Variants in VPS35L observed in about 807,000 individuals in gnomAD.
VPS35L encodes VPS35 endosomal protein-sorting factor-like.
A neutral mutation model predicts 133.0 loss-of-function variants in VPS35L; 83 were observed. That is an observed-to-expected ratio of 0.62 (90% CI 0.52 to 0.75). The LOEUF (loss-of-function observed/expected upper bound fraction) is 0.75. Ranked by LOEUF, VPS35L falls within the 30% of genes least tolerant of loss-of-function variation. The probability of loss-of-function intolerance (pLI) is 0.00; values close to 1 mark genes in which losing one functional copy is unlikely to be tolerated. For synonymous variants in VPS35L, 423 were observed against 449.9 expected (o/e 0.94, Z 0.76); for missense variants, 1,083 against 1,206.8 (o/e 0.90, Z 1.52).
At chr16:19,578,305 T>C (rs1348712465) in intron 5 of VPS35L, 1 of 443,824 alleles carries the variant, frequency 2.3e-6, no homozygotes, top group East Asian at 7.1e-5. Flanking sequence ...TTTTTTGAGA[T>C]GGAGGTTACA....
intron 28 of VPS35L, among the ~76,000 whole-genome samples, chr16:19,690,016 A>G (rs529166110): frequency 6.6e-6 from 1 of 152,160 alleles, no homozygotes; most frequent in South Asian, 2.1e-4. Flanking sequence ...GGGCTCAAGC[A>G]GTCCTCCCAC....
chr16:19,610,460 G>A (rs377566512), intron 12 of VPS35L, 45 bp downstream of exon 12: 94 of 1,503,910 alleles, frequency 6.3e-5, no homozygotes, highest in Admixed American at 3.4e-4. Context: ...GCTGCCACCC[G>A]TCTCCTTGAA....
chr16:19,601,272 A>G (rs977304150), intron 8 of VPS35L, among the ~76,000 whole-genome samples: 1 of 152,120 alleles, frequency 6.6e-6, no homozygotes, highest in Non-Finnish European at 1.5e-5. Flanking sequence ...AAAAATGTTA[A>G]AACACTTTGT....
At chr16:19,595,637 C>G (rs1972190205) in intron 8 of VPS35L, among the ~76,000 whole-genome samples, 1 of 152,174 alleles carries the variant, frequency 6.6e-6, no homozygotes, top group African/African-American at 2.4e-5. Flanking sequence ...CCTGGCCAGA[C>G]CCAGACAGCT....
chr16:19,573,340 AT>A lies in VPS35L; in HGVS notation c.408+102del, dbSNP rs1338767314. ...CTCCTGGGCTCTGTAAGTTTCACTT[AT>A]TTATTTATTTTTCTACTTCTCTTAA... is the stretch of plus-strand genomic sequence containing the variant. On this transcript the variant is annotated intron_variant, in intron 4 of 30. Transcript: ENST00000417362. The A allele has an allele frequency of 2.3e-6, 3 of 1,307,528 alleles. No individual in the cohort carries two copies. The African/African-American group carries it at 4.5e-5, about 19-fold the overall frequency. 81.0% of individuals were successfully genotyped at this position (1,307,528 alleles called of 1,614,324 possible). A position where few individuals can be genotyped will look rare whatever the true frequency, so the allele number is the denominator to read the frequency against.
chr16:19,577,169 A>G (rs1000524754), intron 5 of VPS35L, among the ~76,000 whole-genome samples: 1 of 152,158 alleles, frequency 6.6e-6, no homozygotes, highest in African/African-American at 2.4e-5. Context: ...GGTTTACTTG[A>G]CTTATGGTTC....
At chr16:19,569,625 G>T (rs778422523) in intron 3 of VPS35L, 34 bp downstream of exon 3, 7 of 1,505,382 alleles carry the variant, frequency 4.6e-6, no homozygotes, top group Admixed American at 4.8e-5. Context: ...TCCAGTGGGG[G>T]TTGGTTTTGT....
intron 19 of VPS35L, among the ~76,000 whole-genome samples, chr16:19,635,285 C>A (rs1973589466): frequency 6.6e-6 from 1 of 152,076 alleles, no homozygotes; most frequent in South Asian, 2.1e-4. Context: ...GAGTTAGAGG[C>A]TGCAGTGAGC....
At chr16:19,682,469 T>G (rs1975319177) in intron 28 of VPS35L, 79 bp downstream of exon 28, 2 of 1,451,454 alleles carry the variant, frequency 1.4e-6, no homozygotes, top group Non-Finnish European at 9.4e-7. Flanking sequence ...TTTTCTCTTT[T>G]ATTTTTTCCT....
chr16:19,593,043 A>G, intron 8 of VPS35L, among the ~76,000 whole-genome samples: 1 of 152,152 alleles, frequency 6.6e-6, no homozygotes, highest in Admixed American at 6.6e-5. Context: ...AGCTTCCTGC[A>G]TCACTGTGGC....
At chr16:19,683,418 A>C (rs1257902608) in intron 28 of VPS35L, among the ~76,000 whole-genome samples, 1 of 152,194 alleles carries the variant, frequency 6.6e-6, no homozygotes, top group African/African-American at 2.4e-5. Flanking sequence ...GATAGTACCC[A>C]ATAGGTAGTT....
At position 19,581,608 on chromosome 16, in the gene VPS35L, C is replaced by A. The variant is rs866895861; in HGVS notation, c.594C>A (p.Ala198=). 1.9e-6 allele frequency: 3 copies of A among 1,614,124 alleles called. No individual in the cohort carries two copies. The highest frequency in any genetic ancestry group is 3.3e-4 in the Middle Eastern group (2 of 6,062). Reference sequence around the variant, plus strand: ...AGCTCAACCAATCGCTGAAGGATGCCTGGGCCTCAGACCAGAAAGTGAAGG... The same window carrying A: ...AGCTCAACCAATCGCTGAAGGATGCATGGGCCTCAGACCAGAAAGTGAAGG... ...IEELNQSLKD[A]WASDQKVKAL... The change falls in exon 7 of 31, where the codon GCC becomes GCA. Residue 198 remains alanine (A), a synonymous_variant. Transcript: ENST00000417362.
chr16:19,650,522 T>G, intron 25 of VPS35L, 63 bp downstream of exon 25: 1 of 1,269,118 alleles, frequency 7.9e-7, no homozygotes, highest in South Asian at 1.2e-5. Flanking sequence ...GTTTGCAGGT[T>G]ACTAAATTAC....
intron 2 of VPS35L, among the ~76,000 whole-genome samples, chr16:19,566,624 G>A (rs1290736720): frequency 6.6e-6 from 1 of 152,220 alleles, no homozygotes; most frequent in African/African-American, 2.4e-5. Flanking sequence ...CAGTCACGTG[G>A]TAGAAGATTT....
At chr16:19,571,080 C>T (rs1334222708) in intron 3 of VPS35L, among the ~76,000 whole-genome samples, 2 of 151,288 alleles carry the variant, frequency 1.3e-5, no homozygotes, top group Non-Finnish European at 2.9e-5. Context: ...ACTATATTGG[C>T]CAGGCTGGTC....
chr16:19,616,270 A>C, intron 13 of VPS35L, 79 bp downstream of exon 13: 1 of 1,264,874 alleles, frequency 7.9e-7, no homozygotes, highest in Non-Finnish European at 1.2e-6. Context: ...TTGGTTTTCC[A>C]AGTGGAGAAT....
chr16:19,610,057 C>T (rs1013953794), intron 11 of VPS35L, among the ~76,000 whole-genome samples: 7 of 151,984 alleles, frequency 4.6e-5, no homozygotes, highest in African/African-American at 1.7e-4. Flanking sequence ...AATGTGACCT[C>T]GACTGGGGAA....
At chr16:19,689,275 CG>C (rs1975581786) in intron 28 of VPS35L, among the ~76,000 whole-genome samples, 1 of 112,310 alleles carries the variant, frequency 8.9e-6, no homozygotes, top group South Asian at 2.7e-4. Context: ...CTGTGCCTGG[CG>C]TTTTTTTTTT....
intron 28 of VPS35L, among the ~76,000 whole-genome samples, chr16:19,683,890 A>C (rs1399124175): frequency 6.6e-6 from 1 of 152,248 alleles, no homozygotes; most frequent in Non-Finnish European, 1.5e-5. Context: ...TGCTTTCCAC[A>C]GTGGCTGAAC....
Sources: gnomAD v4.1 joint callset for allele counts (sites outside exome capture counted in the v4.1 genomes callset) on GRCh38, gnomAD v4.1.1 for gene constraint, MANE v1.5 for transcripts, NCBI Gene and HGNC (gene_info 2026-07-23, HGNC 2026-07-21) for gene names.